FRS3: variants seen among roughly 807,000 people sequenced by gnomAD.
FRS3 encodes the protein FGFR substrate 3.
Under a neutral mutation model 41.9 loss-of-function variants are expected in FRS3, and 17 were observed. The observed-to-expected ratio is 0.41, with a 90% confidence interval of 0.28 to 0.61. FRS3 has a LOEUF of 0.61. Ranked by LOEUF, FRS3 falls within the 20% of genes least tolerant of loss-of-function variation. The pLI, the probability that FRS3 is intolerant of heterozygous loss-of-function variation, is 0.36. For missense variants in FRS3, 619 were observed against 672.1 expected, an observed-to-expected ratio of 0.92 and a Z score of 0.87; for synonymous variants, 287 against 274.5, an observed-to-expected ratio of 1.05 and a Z score of -0.45.
chr6:41,770,293 C>CA lies in FRS3; in HGVS notation c.*325dup, dbSNP rs1176274755. On this transcript the variant is annotated 3_prime_UTR_variant, in exon 7 of 7. Transcript: ENST00000373018. ...GTACAAAATGTTTCAAAATTCCAAC[C>CA]AAAAAAAACACACACGGACAGTCGG... is the stretch of plus-strand genomic sequence containing the variant. The CA allele has an allele frequency of 2.3e-4, 69 of 305,056 alleles. No individual in the cohort carries two copies. Among genetic ancestry groups the CA allele is most frequent in the East Asian group, 5.0e-4 (9 of 17,976 alleles). 18.9% of individuals were successfully genotyped at this position (305,056 alleles called of 1,614,324 possible).
chr6:41,776,298 G>C (rs1479621623), intron 3 of FRS3: 1 of 152,422 alleles, frequency 6.6e-6, no homozygotes, highest in African/African-American at 2.4e-5. Flanking sequence ...ATCTCGCTCT[G>C]TCACCCAGGC....
At chr6:41,776,047 C>T (rs2127300677) in intron 3 of FRS3, among the ~76,000 whole-genome samples, 1 of 152,312 alleles carries the variant, frequency 6.6e-6, no homozygotes, top group South Asian at 2.1e-4. Flanking sequence ...CCTCTACCAC[C>T]TCCCCAACTG....
intron 3 of FRS3, 145 bp downstream of exon 3, chr6:41,776,777 G>T: frequency 1.4e-6 from 1 of 715,118 alleles, no homozygotes; most frequent in Admixed American, 2.1e-5. Context: ...ACTTGAGAGG[G>T]TGTGAGCTCA....
At position 41,770,991 on chromosome 6, in the gene FRS3, T is replaced by C; in HGVS notation, c.1107A>G (p.Pro369=). Residue 369 remains proline (P), a synonymous_variant, in exon 7 of 7, where the codon CCA becomes CCG. Coordinates refer to ENST00000373018, the MANE Select transcript of FRS3 (RefSeq NM_006653.5). ...GFPDGEEDET[P]LQKPTSTRAA... ...CCCGGGTGCTGGTGGGCTTCTGCAG[T>C]GGGGTCTCGTCCTCCTCACCATCAG... is the stretch of plus-strand genomic sequence containing the variant. 6.2e-7 allele frequency: 1 copy of C among 1,612,952 alleles called. No individual in the cohort carries two copies. The highest frequency in any genetic ancestry group is 1.1e-5 in the South Asian group (1 of 91,048).
chr6:41,779,137 CGAA>C (rs1405823852), intron 1 of FRS3, among the ~76,000 whole-genome samples: 1 of 151,896 alleles, frequency 6.6e-6, no homozygotes, highest in Non-Finnish European at 1.5e-5. Context: ...GGCACTGAAA[CGAA>C]GAACTCTAGG....
At position 41,771,110 on chromosome 6, in the gene FRS3, G is replaced by C. The variant is rs773006648; in HGVS notation, c.988C>G (p.Pro330Ala). The C allele has an allele frequency of 2.5e-5, 39 of 1,580,970 alleles. No homozygotes were observed. Among genetic ancestry groups the C allele is most frequent in the African/African-American group, 4.0e-5 (3 of 74,276 alleles). Reference protein sequence around the residue: ...LHYENLPPLPPVWESQAQQLG... With the variant: ...LHYENLPPLPAVWESQAQQLG... ...TGCTGGGCTTGGCTTTCCCACACAG[G>C]GGGCAGTGGGGGCAGGTTCTCATAG... The change falls in exon 7 of 7, where the codon CCT becomes GCT. Residue 330 changes from proline (P) to alanine (A), a missense_variant. Transcript: ENST00000373018.
At chr6:41,772,743 G>GGTGTGTGTGT (rs1449169837) in intron 5 of FRS3, 55 bp downstream of exon 5, 1 of 1,319,504 alleles carries the variant, frequency 7.6e-7, no homozygotes, top group Non-Finnish European at 1.0e-6. Flanking sequence ...GTGCTTCCTG[G>GGTGTGTGTGT]GCGTGTGTGT....
At chr6:41,773,095 G>C (rs915098599) in intron 4 of FRS3, 136 bp from the exon 5 acceptor site, 13 of 652,742 alleles carry the variant, frequency 2.0e-5, no homozygotes, top group South Asian at 1.7e-4. Context: ...TCCTCATCTT[G>C]AGCATTCTTT....
intron 5 of FRS3, among the ~76,000 whole-genome samples, chr6:41,772,491 A>G (rs570922491): frequency 6.6e-6 from 1 of 152,158 alleles, no homozygotes; most frequent in Admixed American, 6.5e-5. Context: ...GACCCAATAG[A>G]CAGAGGAAGA....
chr6:41,771,298 G>T lies in FRS3; in HGVS notation c.800C>A (p.Pro267Gln), dbSNP rs368454025. 9.9e-6 allele frequency: 16 copies of T among 1,613,006 alleles called. No individual in the cohort carries two copies. The highest frequency in any genetic ancestry group is 1.7e-4 in the Middle Eastern group (1 of 6,054). Residue 267 changes from proline (P) to glutamine (Q), a missense_variant, in exon 7 of 7, where the codon CCA (proline) becomes CAA (glutamine). Physicochemically the swap from Pro to Gln is moderately conservative, Grantham distance 76 (BLOSUM62 -1). Around this residue, in one of 3 missense-constraint regions of FRS3, gnomAD observed 487 missense variants for 478.3 expected, o/e 1.02. Transcript: ENST00000373018. ...QGLCPSLHDP[P>Q]HHNNNNEAPS... is the part of the protein sequence containing the mutation. ...GGCCTCATTGTTATTATTGTGGTGT[G>T]GGGGGTCATGCAGGCTGGGACAGAG...
intron 4 of FRS3, 65 bp from the exon 5 acceptor site, chr6:41,773,024 C>T (rs144043862): frequency 9.5e-6 from 13 of 1,363,462 alleles, no homozygotes; most frequent in African/African-American, 4.3e-5. Context: ...TCAACAGATG[C>T]ACAATGTGCA....
intron 4 of FRS3, 98 bp downstream of exon 4, chr6:41,775,321 G>A: frequency 1.1e-6 from 1 of 884,872 alleles, no homozygotes; most frequent in Non-Finnish European, 1.7e-6. Context: ...ACAGGTGATG[G>A]GGATAACACT....
intron 3 of FRS3, among the ~76,000 whole-genome samples, chr6:41,776,230 T>C (rs1017618262): frequency 2.6e-5 from 4 of 152,132 alleles, no homozygotes; most frequent in Non-Finnish European, 5.9e-5. Context: ...ACTGATGTTG[T>C]GCTTACTGTG....
At chr6:41,774,317 G>T (rs573998242) in intron 4 of FRS3, among the ~76,000 whole-genome samples, 3 of 151,780 alleles carry the variant, frequency 2.0e-5, no homozygotes, top group Admixed American at 2.0e-4. Flanking sequence ...TGCTTCCTAG[G>T]AAAAAAAACT....
chr6:41,770,514 C>A lies in FRS3; in HGVS notation c.*105G>T. 8.6e-7 allele frequency: 1 copy of A among 1,169,184 alleles called. No homozygotes were observed. Among genetic ancestry groups the A allele is most frequent in the Non-Finnish European group, 1.3e-6 (1 of 799,042 alleles). 72.4% of individuals were successfully genotyped at this position (1,169,184 alleles called of 1,614,324 possible). On this transcript the variant is annotated 3_prime_UTR_variant, in exon 7 of 7. Transcript: ENST00000373018. ...GCATCTGGTCCCACCTCCATGCCTT[C>A]TGCAAAGCAACCCTGAACCCTGGGG... is the stretch of plus-strand genomic sequence containing the variant.
intron 4 of FRS3, among the ~76,000 whole-genome samples, chr6:41,774,535 C>A (rs913434525): frequency 6.6e-6 from 1 of 152,204 alleles, no homozygotes; most frequent in Non-Finnish European, 1.5e-5. Context: ...TCACAAGGCT[C>A]CTCAATGCAG....
At chr6:41,775,833 T>G (rs1258228013) in intron 3 of FRS3, among the ~76,000 whole-genome samples, 3 of 152,224 alleles carry the variant, frequency 2.0e-5, no homozygotes, top group Non-Finnish European at 4.4e-5. Flanking sequence ...TTTTGTCATA[T>G]GGACAGTGAG....
intron 5 of FRS3, 49 bp downstream of exon 5, chr6:41,772,749 T>C (rs1361921845): frequency 7.1e-6 from 7 of 979,326 alleles, no homozygotes; most frequent in South Asian, 1.7e-5. Context: ...CCTGGGCGTG[T>C]GTGTGTGTGT....
intron 3 of FRS3, chr6:41,776,643 GATAT>G (rs1272350498): frequency 1.8e-5 from 7 of 382,552 alleles, no homozygotes; most frequent in Non-Finnish European, 2.8e-5. Context: ...AAGGGGGGGG[GATAT>G]ATAAAGTTAT....
Sources: allele counts gnomAD v4.1 joint callset (sites outside exome capture counted in the v4.1 genomes callset), GRCh38; gene constraint gnomAD v4.1.1; regional missense constraint gnomAD v4.1.1; transcripts MANE v1.5; gene names NCBI Gene and HGNC (gene_info 2026-07-23, HGNC 2026-07-21).